NCOA6: variants seen among roughly 807,000 people sequenced by gnomAD.
NCOA6 encodes the protein nuclear receptor coactivator 6, also known as NRC RAP250.
In NCOA6, 49 loss-of-function variants were observed where a neutral mutation model predicts 171.4. The ratio of observed to expected loss-of-function variants is 0.29; its 90% CI spans 0.23 to 0.36. NCOA6 has a LOEUF of 0.36. NCOA6 is among the 10% of genes least tolerant of loss of function. NCOA6 has a pLI of 1.00. For synonymous variants in NCOA6, 910 were observed against 927.5 expected, an observed-to-expected ratio of 0.98 and a Z score of 0.34; for missense variants, 2,248 against 2,554.5, an observed-to-expected ratio of 0.88 and a Z score of 2.59.
In NCOA6 at chr20:34,754,729, C is replaced by T; in HGVS notation, c.1668G>A (p.Gln556=). The T allele has an allele frequency of 1.2e-6, 2 of 1,614,136 alleles. No individual in the cohort carries two copies. Among genetic ancestry groups the T allele is most frequent in the Non-Finnish European group, 1.7e-6 (2 of 1,180,036 alleles). Residue 556 remains glutamine (Q), a synonymous_variant, in exon 8 of 15, where the codon CAG becomes CAA. Transcript: ENST00000359003. ...APQLQANQNV[Q]HAGGQGAGPP... ...AAATCACAGAAAACAAACCTGCATG[C>T]TGGACATTTTGATTTGCTTGCAGCT...
chr20:34,818,065 C>G (rs1016761100), intron 1 of NCOA6, among the ~76,000 whole-genome samples: 2 of 152,192 alleles, frequency 1.3e-5, no homozygotes, highest in Non-Finnish European at 2.9e-5. Flanking sequence ...ATTGTTAGCT[C>G]TCTTCTTCAT....
rs767750777 is a variant in NCOA6, at chr20:34,757,524, C to G, written c.1224G>C (p.Gln408His). Residue 408 changes from glutamine (Q) to histidine (H), a missense_variant, in exon 7 of 15, where the codon CAG becomes CAC. By Grantham distance (24) the Gln-to-His change is conservative. This residue lies in a region of NCOA6 where 987 missense variants were observed against 1,104.7 expected (regional missense o/e 0.89). Transcript: ENST00000359003. ...QFTAPQMKSL[Q>H]GGPSRVPTPL... is the part of the protein sequence containing the mutation. ...GAGTTGGGACCCTAGAGGGCCCTCCCTGCAAACTCTTCATCTGAGGAGCTG... is the reference window on the plus strand; with the variant it reads ...GAGTTGGGACCCTAGAGGGCCCTCCGTGCAAACTCTTCATCTGAGGAGCTG... The G allele has an allele frequency of 2.5e-6, 4 of 1,613,966 alleles. No individual in the cohort carries two copies. The highest frequency in any genetic ancestry group is 3.4e-6 in the Non-Finnish European group (4 of 1,179,950).
Position 34,741,288 on chromosome 20 carries a change from A to G in NCOA6, c.4968T>C (p.Ile1656=). Residue 1656 remains isoleucine (I), a synonymous_variant, in exon 11 of 15, where the codon ATT becomes ATC. Coordinates refer to ENST00000359003, the MANE Select transcript of NCOA6 (RefSeq NM_014071.5). The stretch of plus-strand genomic sequence containing the variant: ...AGGATGAATTGATAAAGACAGGTGT[A>G]ATGAACTGAGGCCGGGCATTAGACT... ...AAQSNARPQF[I]TPVFINSSSI... is the part of the protein sequence containing the mutation. 2 of 1,614,226 alleles carry G rather than the reference A, an allele frequency of 1.2e-6. No homozygotes were observed. The highest frequency in any genetic ancestry group is 1.7e-6 in the Non-Finnish European group (2 of 1,180,044).
intron 1 of NCOA6, among the ~76,000 whole-genome samples, chr20:34,809,842 C>T (rs200014896): frequency 6.6e-6 from 1 of 152,184 alleles, no homozygotes; most frequent in African/African-American, 2.4e-5. Context: ...GTGGCGCACT[C>T]CTGTAGTCAC....
Position 34,715,376 on chromosome 20 carries a change from A to G in NCOA6, c.6149-11T>C. On this transcript the variant is annotated splice_polypyrimidine_tract_variant and intron_variant, in intron 14 of 14. Transcript: ENST00000359003. ...CCGCACTGGTTATGTCTGTGGGGGA[A>G]AGAAAGGACATGTTCAGTGGAAGTA... 2 of 1,601,078 alleles carry G rather than the reference A, an allele frequency of 1.2e-6. No homozygotes were observed. Among genetic ancestry groups the G allele is most frequent in the Non-Finnish European group, 1.7e-6 (2 of 1,168,128 alleles).
chr20:34,808,436 C>CTTTTTT (rs957085400), intron 1 of NCOA6, among the ~76,000 whole-genome samples: 5 of 125,484 alleles, frequency 4.0e-5, no homozygotes, highest in Non-Finnish European at 5.1e-5. Context: ...CTTGTCTGTG[C>CTTTTTT]TTTTTTTTTT....
chr20:34,757,985 C>G lies in NCOA6; in HGVS notation c.763G>C (p.Ala255Pro). The G allele has an allele frequency of 1.2e-6, 2 of 1,613,824 alleles. No homozygotes were observed. The highest frequency in any genetic ancestry group is 2.2e-5 in the South Asian group (2 of 91,044). The stretch of plus-strand genomic sequence containing the variant: ...TGCTGCTGCAGCTGGGGAAAATTAG[C>G]TGGGTTCATTTGTCTGTTCACAGAG... ...PVSVNRQMNP[A>P]NFPQLQQQQQ... Residue 255 changes from alanine (A) to proline (P), a missense_variant, in exon 7 of 15, where the codon GCT (alanine) becomes CCT (proline). Physicochemically the swap from Ala to Pro is conservative, Grantham distance 27. This residue lies in a region of NCOA6 where 987 missense variants were observed against 1,104.7 expected (regional missense o/e 0.89). Transcript: ENST00000359003.
At chr20:34,758,401 A>T (rs2076716871) in intron 6 of NCOA6, among the ~76,000 whole-genome samples, 1 of 152,220 alleles carries the variant, frequency 6.6e-6, no homozygotes, top group African/African-American at 2.4e-5. Flanking sequence ...CAAAACAATT[A>T]GGTTTGGGAA....
Position 34,761,382 on chromosome 20 carries a change from T to C in NCOA6, c.515-2449A>G, listed in dbSNP as rs571414501. 3.9e-5 allele frequency among the ~76,000 whole-genome samples: 6 copies of C among 152,272 alleles called. No homozygotes were observed. The Middle Eastern group carries it at 0.01, about 259-fold the overall frequency. On this transcript the variant is annotated intron_variant, in intron 5 of 14. Coordinates refer to ENST00000359003, the MANE Select transcript of NCOA6 (RefSeq NM_014071.5). ...TATTCTCATAATTCCATTCTAAATATTGTCTAATTTCCATCAGGATTGCTT... is the reference window on the plus strand; with the variant it reads ...TATTCTCATAATTCCATTCTAAATACTGTCTAATTTCCATCAGGATTGCTT...
intron 4 of NCOA6, among the ~76,000 whole-genome samples, chr20:34,775,210 C>T (rs1438675389): frequency 6.6e-6 from 1 of 151,922 alleles, no homozygotes; most frequent in Non-Finnish European, 1.5e-5. Context: ...CCATGCAAAG[C>T]CTGAGGTCAT....
chr20:34,770,612 G>C (rs2077119191), intron 4 of NCOA6, among the ~76,000 whole-genome samples: 1 of 151,788 alleles, frequency 6.6e-6, no homozygotes, highest in Non-Finnish European at 1.5e-5. Flanking sequence ...CTTCCCACTA[G>C]TTTAGAAATA....
chr20:34,755,585 G>A (rs1399205745), intron 7 of NCOA6, among the ~76,000 whole-genome samples: 2 of 152,148 alleles, frequency 1.3e-5, no homozygotes, highest in East Asian at 1.9e-4. Context: ...TAGAAAACTT[G>A]TAATAAGGAG....
At chr20:34,791,156 A>C (rs2077869464) in intron 2 of NCOA6, among the ~76,000 whole-genome samples, 1 of 152,224 alleles carries the variant, frequency 6.6e-6, no homozygotes, top group African/African-American at 2.4e-5. Context: ...TGAACTGTTC[A>C]CTTTAAAATG....
At position 34,746,930 on chromosome 20, in the gene NCOA6, T is replaced by TAAAA. The variant is rs11484299; in HGVS notation, c.2793-6_2793-3dup. On this transcript the variant is annotated splice_polypyrimidine_tract_variant and splice_region_variant and intron_variant, in intron 9 of 14. Transcript: ENST00000359003. ...CCAGCTGGGCGAGTATCTGGGGTGC[T>TAAAA]AAAAAAAAAAAAAAAAAAAAAAGTG... The TAAAA allele has an allele frequency of 1.9e-4, 220 of 1,138,264 alleles. No individual in the cohort carries two copies. Among genetic ancestry groups the TAAAA allele is most frequent in the South Asian group, 1.0e-3 (37 of 36,998 alleles). 70.5% of individuals were successfully genotyped at this position (1,138,264 alleles called of 1,614,324 possible).
At chr20:34,717,221 CGGGT>C (rs1243143440) in intron 14 of NCOA6, among the ~76,000 whole-genome samples, 1 of 152,150 alleles carries the variant, frequency 6.6e-6, no homozygotes, top group African/African-American at 2.4e-5. Flanking sequence ...GAGTCTGAGG[CGGGT>C]GGATCACCTG....
At chr20:34,811,666 T>C (rs1301737178) in intron 1 of NCOA6, among the ~76,000 whole-genome samples, 1 of 152,206 alleles carries the variant, frequency 6.6e-6, no homozygotes, top group African/African-American at 2.4e-5. Flanking sequence ...TGCTAGGCAC[T>C]TTCCTGCTCC....
At chr20:34,751,952 G>C (rs1412055278) in intron 8 of NCOA6, among the ~76,000 whole-genome samples, 2 of 152,022 alleles carry the variant, frequency 1.3e-5, no homozygotes, top group African/African-American at 2.4e-5. Context: ...CCACCTCCTG[G>C]GTTCAAGTGA....
intron 1 of NCOA6, among the ~76,000 whole-genome samples, chr20:34,815,213 C>CAA (rs1555859856): frequency 3.1e-4 from 44 of 140,606 alleles, no homozygotes; most frequent in African/African-American, 1.0e-3. Context: ...TTCTCTACCC[C>CAA]AAAAAAAAAA....
At chr20:34,758,411 A>G (rs1340785512) in intron 6 of NCOA6, among the ~76,000 whole-genome samples, 1 of 152,194 alleles carries the variant, frequency 6.6e-6, no homozygotes, top group African/African-American at 2.4e-5. Flanking sequence ...AGGTTTGGGA[A>G]ACACTGAACC....
Sources: gnomAD v4.1 joint callset for allele counts (sites outside exome capture counted in the v4.1 genomes callset) on GRCh38, gnomAD v4.1.1 for gene constraint, gnomAD v4.1.1 regional missense constraint, MANE v1.5 for transcripts, NCBI Gene and HGNC (gene_info 2026-07-23, HGNC 2026-07-21) for gene names.